The following SMCHD1 variants were observed in gnomAD, a reference collection of about 807,000 sequenced individuals.
The protein encoded by SMCHD1 is structural maintenance of chromosomes flexible hinge domain containing 1, also known as structural maintenance of chromosomes flexible hinge domain-containing protein 1.
In SMCHD1, 78 loss-of-function variants were observed where a neutral mutation model predicts 254.7. The observed-to-expected ratio is 0.31, with a 90% CI of 0.26 to 0.37. The LOEUF (loss-of-function observed/expected upper bound fraction) is 0.37. Among genes scored for constraint, SMCHD1 ranks in the 10% least tolerant of loss-of-function variants. SMCHD1 has a pLI of 1.00. For synonymous variants in SMCHD1, 766 were observed against 794.9 expected, an observed-to-expected ratio of 0.96 and a Z score of 0.61; for missense variants, 1,840 against 2,408.1, an observed-to-expected ratio of 0.76 and a Z score of 4.94.
rs1269851657 is a variant in SMCHD1 at position 2,803,101 on chromosome 18, G to A, written c.*549G>A. On this transcript the variant is annotated 3_prime_UTR_variant, in exon 48 of 48. Coordinates refer to ENST00000320876, the MANE Select transcript of SMCHD1 (RefSeq NM_015295.3). ...AGCACAGGTATTTGGGAATTGAAAT[G>A]TTAAGATACCCAGAACAACATTAAA... 1 of 151,084 alleles carries A rather than the reference G, an allele frequency of 6.6e-6. No homozygotes were observed. The highest frequency in any genetic ancestry group is 1.5e-5 in the Non-Finnish European group (1 of 67,818). The allele number at this position is 151,084 out of a possible 1,614,324, so 9.4% of individuals were successfully genotyped here.
intron 17 of SMCHD1, among the ~76,000 whole-genome samples, chr18:2,714,560 C>A (rs975245487): frequency 6.6e-6 from 1 of 151,650 alleles, no homozygotes; most frequent in African/African-American, 2.4e-5. Context: ...TCCCTCCTTT[C>A]TGTCTTTGTG....
chr18:2,670,476 T>G (rs1219317518), intron 3 of SMCHD1, among the ~76,000 whole-genome samples: 1 of 152,216 alleles, frequency 6.6e-6, no homozygotes, highest in Non-Finnish European at 1.5e-5. Flanking sequence ...TAACATGCTA[T>G]AGAATTTATT....
chr18:2,769,425 A>G (rs183352246), intron 37 of SMCHD1, among the ~76,000 whole-genome samples: 35 of 152,272 alleles, frequency 2.3e-4, no homozygotes, highest in Admixed American at 2.2e-3. Context: ...CTTTTTCTTG[A>G]AATTTTTTAT....
Position 2,718,438 on chromosome 18 carries a change from A to T in SMCHD1, c.2458+4A>T. ...GCAATTAAGTTTTCTGTTAAAGGTA[A>T]GCAAAACAGTAATATATAATTATAT... On this transcript the variant is annotated splice_donor_region_variant and intron_variant, in intron 19 of 47. Transcript: ENST00000320876. The surrounding 1 kb of genome is among the most constrained non-coding windows in gnomAD (Gnocchi z 4.6). 1 of 1,597,868 alleles carries T rather than the reference A, an allele frequency of 6.3e-7. No homozygotes were observed. Among genetic ancestry groups the T allele is most frequent in the Non-Finnish European group, 8.5e-7 (1 of 1,172,742 alleles).
intron 45 of SMCHD1, among the ~76,000 whole-genome samples, chr18:2,795,346 G>T (rs1337717682): frequency 6.6e-6 from 1 of 152,112 alleles, no homozygotes; most frequent in East Asian, 1.9e-4. Context: ...GGCGTGAACT[G>T]CCATGCCCAG....
intron 4 of SMCHD1, among the ~76,000 whole-genome samples, chr18:2,673,775 C>T (rs547307773): frequency 1.1e-4 from 16 of 152,084 alleles, no homozygotes; most frequent in Non-Finnish European, 1.9e-4. Context: ...GTACATGTCT[C>T]TGAATATTTC....
intron 23 of SMCHD1, 29 bp from the exon 24 acceptor site, chr18:2,729,246 T>A: frequency 7.1e-7 from 1 of 1,409,480 alleles, no homozygotes; most frequent in Non-Finnish European, 9.3e-7. Flanking sequence ...TTAATAGGGG[T>A]CTTACATTAT....
At position 2,784,435 on chromosome 18, in the gene SMCHD1, A is replaced by C. The variant is rs1372606385; in HGVS notation, c.5548-15A>C. On this transcript the variant is annotated splice_polypyrimidine_tract_variant and intron_variant, in intron 44 of 47. Coordinates refer to ENST00000320876, the MANE Select transcript of SMCHD1 (RefSeq NM_015295.3). ...ATAAGTTGCTCACTACTTACTATTC[A>C]CTTATTTACAATAGGTTGTTAAAAT... 6.3e-7 allele frequency: 1 copy of C among 1,590,526 alleles called. No individual in the cohort carries two copies. Among genetic ancestry groups the C allele is most frequent in the East Asian group, 2.3e-5 (1 of 44,268 alleles).
chr18:2,727,912 A>G (rs1265005316), intron 22 of SMCHD1, among the ~76,000 whole-genome samples: 1 of 152,094 alleles, frequency 6.6e-6, no homozygotes, highest in African/African-American at 2.4e-5. Context: ...TTATGAACGA[A>G]TCAGACTGGC....
intron 10 of SMCHD1, among the ~76,000 whole-genome samples, chr18:2,699,620 G>T (rs1028301180): frequency 6.6e-6 from 1 of 152,218 alleles, no homozygotes; most frequent in Non-Finnish European, 1.5e-5. Context: ...GATTACAGGC[G>T]TAAGCCCCTG....
chr18:2,779,938 G>A (rs1229967340), intron 44 of SMCHD1, among the ~76,000 whole-genome samples: 2 of 152,154 alleles, frequency 1.3e-5, no homozygotes, highest in South Asian at 2.1e-4. Flanking sequence ...TTTGGGCCTC[G>A]TTAAGAAGCA....
intron 34 of SMCHD1, among the ~76,000 whole-genome samples, chr18:2,757,823 A>G (rs542118975): frequency 6.6e-5 from 10 of 152,280 alleles, no homozygotes; most frequent in Non-Finnish European, 1.3e-4. Flanking sequence ...CTTAGTTTAC[A>G]TAAGAGAACA....
At position 2,769,726 on chromosome 18, in the gene SMCHD1, G is replaced by A. The variant is rs779960156; in HGVS notation, c.4752G>A (p.Arg1584=). ...TGCTGGCAGAAAGTAGTCCTGGAAG[G>A]GATAGTACTGAATATTTTATTGTAT... is the stretch of plus-strand genomic sequence containing the variant. ...SLVLAESSPG[R]DSTEYFIVFE... is the part of the protein sequence containing the mutation. The change falls in exon 38 of 48, where the codon AGG becomes AGA. Residue 1584 remains arginine (R), a synonymous_variant. Transcript: ENST00000320876. 1.9e-6 allele frequency: 3 copies of A among 1,601,810 alleles called. No individual in the cohort carries two copies. The highest frequency in any genetic ancestry group is 1.7e-5 in the Admixed American group (1 of 58,274).
At chr18:2,672,299 T>C (rs2073629569) in intron 3 of SMCHD1, among the ~76,000 whole-genome samples, 1 of 152,150 alleles carries the variant, frequency 6.6e-6, no homozygotes, top group African/African-American at 2.4e-5. Flanking sequence ...CAATCTTGGC[T>C]CACTGCAACC....
chr18:2,724,814 C>T, intron 20 of SMCHD1, 85 bp from the exon 21 acceptor site: 1 of 526,604 alleles, frequency 1.9e-6, no homozygotes, highest in Non-Finnish European at 3.2e-6. Flanking sequence ...CTAGACATGC[C>T]AATGTCACAT....
chr18:2,769,451 C>T (rs1224760028), intron 37 of SMCHD1, among the ~76,000 whole-genome samples: 2 of 152,120 alleles, frequency 1.3e-5, no homozygotes, highest in Non-Finnish European at 2.9e-5. Context: ...ATACTTTTCA[C>T]ATAAGCTGTT....
intron 17 of SMCHD1, among the ~76,000 whole-genome samples, chr18:2,715,403 A>C (rs904974327): frequency 1.3e-5 from 2 of 152,082 alleles, no homozygotes; most frequent in Non-Finnish European, 2.9e-5. Flanking sequence ...TTTCAACCAT[A>C]TCTTGTAATT....
At chr18:2,747,387 C>A in intron 29 of SMCHD1, 135 bp from the exon 30 acceptor site, 1 of 725,450 alleles carries the variant, frequency 1.4e-6, no homozygotes, top group Non-Finnish European at 2.0e-6. Context: ...TTCAAAAGTT[C>A]ATTTTCATTG....
chr18:2,789,458 C>T (rs1015807607), intron 45 of SMCHD1, among the ~76,000 whole-genome samples: 5 of 152,212 alleles, frequency 3.3e-5, no homozygotes, highest in Admixed American at 1.3e-4. Context: ...AAATATCACA[C>T]GTTAAAAATT....
Sources: gnomAD v4.1 joint callset for allele counts (sites outside exome capture counted in the v4.1 genomes callset) on GRCh38, gnomAD v4.1.1 for gene constraint, Gnocchi (gnomAD v3.1) non-coding constraint, MANE v1.5 for transcripts, NCBI Gene and HGNC (gene_info 2026-07-23, HGNC 2026-07-21) for gene names.